SMARCA2: variants seen among roughly 807,000 people sequenced by gnomAD.
The protein encoded by SMARCA2 is SWI/SNF related BAF chromatin remodeling complex subunit ATPase 2, also known as SWI/SNF-related matrix-associated actin-dependent regulator of chromatin subfamily A member 2.
Under a neutral mutation model 199.8 loss-of-function variants are expected in SMARCA2, and 61 were observed. The ratio of observed to expected loss-of-function variants is 0.31; its 90% CI spans 0.25 to 0.38. The LOEUF is 0.38. Ranked by LOEUF, SMARCA2 falls within the 10% of genes least tolerant of loss-of-function variation. SMARCA2 has a pLI of 1.00. For synonymous variants in SMARCA2, 935 were observed against 732.0 expected (o/e 1.28, Z -4.48); for missense variants, 1,344 against 2,012.2 (o/e 0.67, Z 6.35).
chr9:2,115,728 A>G lies in SMARCA2; in HGVS notation c.3457-94A>G. ...TCTTACCTTAGTGAAGGTGAAATACAGAACCCTTCCATATTTCCCTCTGGG... is the reference window on the plus strand; with the variant it reads ...TCTTACCTTAGTGAAGGTGAAATACGGAACCCTTCCATATTTCCCTCTGGG... On this transcript the variant is annotated intron_variant, in intron 24 of 33. Transcript: ENST00000349721. This position sits in a 1 kb window ranked among gnomAD's most constrained non-coding sequence, Gnocchi z 6.0. The G allele has an allele frequency of 5.4e-6, 5 of 934,318 alleles. No homozygotes were observed. Among genetic ancestry groups the G allele is most frequent in the Middle Eastern group, 3.2e-4 (1 of 3,158 alleles). 57.9% of individuals were successfully genotyped at this position (934,318 alleles called of 1,614,324 possible). A position where few individuals can be genotyped will look rare whatever the true frequency, so the allele number is the denominator to read the frequency against.
chr9:2,077,308 C>G (rs542882310), intron 13 of SMARCA2, among the ~76,000 whole-genome samples: 4 of 152,150 alleles, frequency 2.6e-5, no homozygotes, highest in African/African-American at 7.2e-5. Context: ...GGTTCAGGCT[C>G]CTATCTGTCT....
intron 19 of SMARCA2, among the ~76,000 whole-genome samples, chr9:2,094,094 G>T (rs1822172882): frequency 6.6e-6 from 1 of 152,148 alleles, no homozygotes. Context: ...GAGTTAGAAA[G>T]GAGCCTTAAG....
At chr9:2,043,915 C>G (rs2130273022) in intron 4 of SMARCA2, 1 of 152,252 alleles carries the variant, frequency 6.6e-6, no homozygotes, top group Middle Eastern at 3.4e-3. Flanking sequence ...GCATTTTGTA[C>G]CTCTGACAAT....
At chr9:2,090,466 T>G (rs1822005268) in intron 19 of SMARCA2, among the ~76,000 whole-genome samples, 1 of 152,210 alleles carries the variant, frequency 6.6e-6, no homozygotes, top group Non-Finnish European at 1.5e-5. Flanking sequence ...TCTCTTACTA[T>G]GTGAACTTGG....
intron 1 of SMARCA2, among the ~76,000 whole-genome samples, chr9:2,026,239 A>G (rs1184515626): frequency 1.3e-5 from 2 of 152,166 alleles, no homozygotes; most frequent in East Asian, 3.8e-4. Context: ...ACATTTCTTC[A>G]TTTGTTAAAC....
At chr9:2,076,047 C>T (rs989831609) in intron 12 of SMARCA2, among the ~76,000 whole-genome samples, 182 bp from the exon 13 acceptor site, 2 of 152,206 alleles carry the variant, frequency 1.3e-5, no homozygotes, top group African/African-American at 2.4e-5. Context: ...ATGATTTCAA[C>T]AGCAGTTGAA....
chr9:2,181,170 A>G (rs537228684), intron 29 of SMARCA2: 5 of 149,908 alleles, frequency 3.3e-5, no homozygotes, highest in African/African-American at 2.4e-5. Flanking sequence ...TGGAAATACA[A>G]TGTTTAAATA....
chr9:2,030,681 C>T (rs1819025423), intron 2 of SMARCA2, among the ~76,000 whole-genome samples: 1 of 151,752 alleles, frequency 6.6e-6, no homozygotes, highest in African/African-American at 2.4e-5. Context: ...ACAGACATAC[C>T]CAGAAATAAT....
intron 31 of SMARCA2, among the ~76,000 whole-genome samples, chr9:2,185,537 G>A (rs1041555222): frequency 3.3e-5 from 5 of 152,170 alleles, no homozygotes; most frequent in East Asian, 1.9e-4. Context: ...AAGTGGGGCT[G>A]CTGGATCATA....
At chr9:2,179,585 T>G (rs1029567050) in intron 29 of SMARCA2, among the ~76,000 whole-genome samples, 7 of 152,180 alleles carry the variant, frequency 4.6e-5, no homozygotes, top group African/African-American at 1.7e-4. Context: ...GACAGAGATG[T>G]CATACCTAGA....
At position 2,110,222 on chromosome 9, in the gene SMARCA2, A is replaced by G; in HGVS notation, c.3293-32A>G. On this transcript the variant is annotated intron_variant, in intron 23 of 33. Transcript: ENST00000349721. The surrounding 1 kb of genome is among the most constrained non-coding windows in gnomAD (Gnocchi z 4.8). ...TCTGTGCCATTTTCAGACAAGAGTT[A>G]ATTGGCAAATTAATTTTTCTGATCC... is the stretch of plus-strand genomic sequence containing the variant. The G allele has an allele frequency of 6.5e-7, 1 of 1,550,262 alleles. No homozygotes were observed. Among genetic ancestry groups the G allele is most frequent in the Non-Finnish European group, 8.7e-7 (1 of 1,148,498 alleles).
At chr9:2,018,805 A>G (rs1023722384) in intron 1 of SMARCA2, among the ~76,000 whole-genome samples, 21 of 152,230 alleles carry the variant, frequency 1.4e-4, no homozygotes, top group Admixed American at 1.4e-3. Flanking sequence ...ACATATTCAC[A>G]TTCAAATATT....
rs575397632 is a variant in SMARCA2 at position 2,086,551 on chromosome 9, A to G, written c.2527-278A>G. Among the ~76,000 whole-genome samples, 4 of 152,330 alleles carry G rather than the reference A, an allele frequency of 2.6e-5. No homozygotes were observed. In the South Asian group the frequency reaches 6.2e-4, roughly 24 times the overall value. On this transcript the variant is annotated intron_variant, in intron 17 of 33. Coordinates refer to ENST00000349721, the MANE Select transcript of SMARCA2 (RefSeq NM_003070.5). The surrounding 1 kb of genome is among the most constrained non-coding windows in gnomAD (Gnocchi z 4.3). ...GCAGGATCCACACGTGGAAACAACC[A>G]TGTCATTCTGGACCCAAATTTCCTT...
At chr9:2,083,615 A>C (rs2130472482) in intron 16 of SMARCA2, among the ~76,000 whole-genome samples, 2 of 152,382 alleles carry the variant, frequency 1.3e-5, no homozygotes, top group East Asian at 3.9e-4. Context: ...ATCCAGAAGA[A>C]AATTGTTAAT....
chr9:2,158,848 G>GA, intron 27 of SMARCA2: 5 of 1,265,778 alleles, frequency 4.0e-6, no homozygotes, highest in Non-Finnish European at 5.4e-6. Context: ...ATTTCCATTA[G>GA]AAAAAGACCC....
intron 20 of SMARCA2, chr9:2,097,091 C>T (rs1199253650): frequency 4.1e-6 from 2 of 493,034 alleles, no homozygotes; most frequent in African/African-American, 1.9e-5. Flanking sequence ...CTGTTCTGTG[C>T]TTCTGTGTTC....
intron 5 of SMARCA2, among the ~76,000 whole-genome samples, chr9:2,054,102 A>G (rs1365068215): frequency 1.3e-5 from 2 of 152,198 alleles, no homozygotes; most frequent in African/African-American, 4.8e-5. Flanking sequence ...AGCACCTAAA[A>G]CTGTTCTTGC....
At chr9:2,134,826 T>G (rs1236352902) in intron 27 of SMARCA2, among the ~76,000 whole-genome samples, 1 of 152,154 alleles carries the variant, frequency 6.6e-6, no homozygotes, top group Admixed American at 6.5e-5. Context: ...CCTAGGTCTT[T>G]CTACAACAGG....
chr9:2,070,503 T>C, intron 10 of SMARCA2, 32 bp downstream of exon 10: 2 of 1,554,272 alleles, frequency 1.3e-6, no homozygotes, highest in South Asian at 2.2e-5. Context: ...CACTGTGTTC[T>C]GCTGAATGGA....
Sources: gnomAD v4.1 joint callset for allele counts (sites outside exome capture counted in the v4.1 genomes callset) on GRCh38, gnomAD v4.1.1 for gene constraint, Gnocchi (gnomAD v3.1) non-coding constraint, MANE v1.5 for transcripts, NCBI Gene and HGNC (gene_info 2026-07-23, HGNC 2026-07-21) for gene names.